The following DYNC1LI1 variants were observed in gnomAD, a reference collection of about 807,000 sequenced individuals.
The protein encoded by DYNC1LI1 is dynein cytoplasmic 1 light intermediate chain 1.
In DYNC1LI1, 19 loss-of-function variants were observed where a neutral mutation model predicts 63.8. The observed-to-expected ratio is 0.30, with a 90% CI of 0.21 to 0.44. The LOEUF (loss-of-function observed/expected upper bound fraction) is 0.44. Ranked by LOEUF, DYNC1LI1 falls within the 20% of genes least tolerant of loss-of-function variation. The probability of loss-of-function intolerance (pLI) is 1.00; values close to 1 mark genes in which losing one functional copy is unlikely to be tolerated. For synonymous variants in DYNC1LI1, 225 were observed against 232.3 expected (o/e 0.97, Z 0.28); for missense variants, 565 against 630.2 (o/e 0.90, Z 1.11).
chr3:32,525,992 GAATA>G lies in DYNC1LI1; in HGVS notation c.*803_*806del, dbSNP rs1206011159. On this transcript the variant is annotated 3_prime_UTR_variant, in exon 13 of 13. Coordinates refer to ENST00000273130, the MANE Select transcript of DYNC1LI1 (RefSeq NM_016141.4). Reference sequence around the variant, plus strand: ...CAAGTTATTTGAACCTGAATGCAGAGAATAAATACTTTATTAACTGATTACAGTT... The same window carrying G: ...CAAGTTATTTGAACCTGAATGCAGAGAATACTTTATTAACTGATTACAGTT... 2.6e-5 allele frequency: 4 copies of G among 151,944 alleles called. No homozygotes were observed. Among genetic ancestry groups the G allele is most frequent in the Admixed American group, 6.6e-5 (1 of 15,190 alleles). The allele number at this position is 151,944 out of a possible 1,614,324, so 9.4% of individuals were successfully genotyped here. A position where few individuals can be genotyped will look rare whatever the true frequency, so the allele number is the denominator to read the frequency against.
chr3:32,567,341 T>C (rs1445646061), intron 2 of DYNC1LI1, among the ~76,000 whole-genome samples: 1 of 152,064 alleles, frequency 6.6e-6, no homozygotes, highest in South Asian at 2.1e-4. Context: ...CTCTTACACA[T>C]ACACACGTTA....
chr3:32,544,565 C>T (rs1697926643), intron 4 of DYNC1LI1, among the ~76,000 whole-genome samples: 1 of 152,004 alleles, frequency 6.6e-6, no homozygotes, highest in Non-Finnish European at 1.5e-5. Context: ...GTCAGGAGTG[C>T]GAGACCAGCC....
At chr3:32,569,861 G>A (rs965761607) in intron 2 of DYNC1LI1, among the ~76,000 whole-genome samples, 17 of 152,216 alleles carry the variant, frequency 1.1e-4, no homozygotes, top group African/African-American at 3.9e-4. Flanking sequence ...CGAGCACATT[G>A]TACCAGAGAA....
At chr3:32,530,546 C>A (rs763055683) in intron 8 of DYNC1LI1, 26 bp from the exon 9 acceptor site, 1 of 1,573,740 alleles carries the variant, frequency 6.4e-7, no homozygotes, top group South Asian at 1.1e-5. Flanking sequence ...CACAAATGAG[C>A]AAATTTAATA....
rs373806525 is a variant in DYNC1LI1 at position 32,532,434 on chromosome 3, C to A, written c.1080+552G>T. On this transcript the variant is annotated intron_variant, in intron 8 of 12. Coordinates refer to ENST00000273130, the MANE Select transcript of DYNC1LI1 (RefSeq NM_016141.4). ...TGAGCTGAGATCATGCCATTTTACTCCAGGCTGGGTAACACAGTGAGACTC... is the reference window on the plus strand; with the variant it reads ...TGAGCTGAGATCATGCCATTTTACTACAGGCTGGGTAACACAGTGAGACTC... 5.5e-5 allele frequency: 8 copies of A among 146,508 alleles called. No individual in the cohort carries two copies. In the East Asian group the frequency reaches 1.2e-3, roughly 22 times the overall value. The allele number at this position is 146,508 out of a possible 1,614,324, so 9.1% of individuals were successfully genotyped here.
At chr3:32,530,198 T>C (rs899004127) in intron 10 of DYNC1LI1, 86 bp downstream of exon 10, 1 of 1,100,696 alleles carries the variant, frequency 9.1e-7, no homozygotes, top group Non-Finnish European at 1.3e-6. Flanking sequence ...AGCACACCCA[T>C]ATGAAATATG....
At position 32,538,037 on chromosome 3, in the gene DYNC1LI1, A is replaced by ATATATAATT. The variant is rs1697819508; in HGVS notation, c.739-934_739-933insAATTATATA. 2.3e-4 allele frequency among the ~76,000 whole-genome samples: 2 copies of ATATATAATT among 8,768 alleles called. 1 individual carries two copies. Among genetic ancestry groups the ATATATAATT allele is most frequent in the African/African-American group, 2.8e-3 (2 of 706 alleles). 5.8% of individuals were successfully genotyped at this position (8,768 alleles called of 152,430 possible). On this transcript the variant is annotated intron_variant, in intron 5 of 12. Transcript: ENST00000273130. Reference sequence around the variant, plus strand: ...TATATATATAATTTATATATATAATATATATATATAATTATATATATATAA... The same window carrying ATATATAATT: ...TATATATATAATTTATATATATAATATATATAATTTATATATATAATTATATATATATAA...
chr3:32,552,275 T>TATTC (rs973949871), intron 2 of DYNC1LI1, among the ~76,000 whole-genome samples: 11 of 152,178 alleles, frequency 7.2e-5, no homozygotes, highest in East Asian at 5.8e-4. Flanking sequence ...AAGTATTTAC[T>TATTC]ATTCATTCAT....
chr3:32,541,129 G>T lies in DYNC1LI1; in HGVS notation c.646C>A (p.Gln216Lys). The change falls in exon 5 of 13, where the codon CAA becomes AAA. Residue 216 changes from glutamine (Q) to lysine (K), a missense_variant. Physicochemically the swap from Gln to Lys is moderately conservative, Grantham distance 53. Transcript: ENST00000273130. ...ACTACACTGTCATCTTTGTCTTCTT[G>T]TGACGCAGTATTTCTTCTCTGGGGA... The part of the protein sequence containing the change: ...ASPQRRNTAS[Q>K]EDKDDSVVLP... 6.2e-7 allele frequency: 1 copy of T among 1,613,588 alleles called. No individual in the cohort carries two copies. The highest frequency in any genetic ancestry group is 8.5e-7 in the Non-Finnish European group (1 of 1,179,662).
rs546908255 is a variant in DYNC1LI1 at position 32,534,500 on chromosome 3, A to G, written c.968+11T>C. On this transcript the variant is annotated intron_variant, in intron 7 of 12. Coordinates refer to ENST00000273130, the MANE Select transcript of DYNC1LI1 (RefSeq NM_016141.4). Reference sequence around the variant, plus strand: ...TACATGATAAAATTATATATTTAAGAGTACACTTACATAAATACTGCATCC... The same window carrying G: ...TACATGATAAAATTATATATTTAAGGGTACACTTACATAAATACTGCATCC... 6.5e-6 allele frequency: 10 copies of G among 1,540,976 alleles called. No individual in the cohort carries two copies. The highest frequency in any genetic ancestry group is 3.7e-4 in the Middle Eastern group (2 of 5,452).
intron 2 of DYNC1LI1, among the ~76,000 whole-genome samples, chr3:32,547,122 A>G (rs1697966210): frequency 6.6e-6 from 1 of 152,106 alleles, no homozygotes; most frequent in Non-Finnish European, 1.5e-5. Flanking sequence ...GCGCATCTGT[A>G]ATCCCAGCTA....
chr3:32,553,076 T>A (rs1005001881), intron 2 of DYNC1LI1, among the ~76,000 whole-genome samples: 1 of 152,166 alleles, frequency 6.6e-6, no homozygotes, highest in East Asian at 1.9e-4. Context: ...CAGCAGGGCA[T>A]GGACCTCAGC....
intron 7 of DYNC1LI1, 100 bp downstream of exon 7, chr3:32,534,411 T>C (rs988171434): frequency 1.3e-5 from 11 of 825,762 alleles, no homozygotes; most frequent in Non-Finnish European, 1.9e-5. Flanking sequence ...TTTCTCATCA[T>C]GGAAGGTCTA....
chr3:32,559,104 T>A (rs1243990871), intron 2 of DYNC1LI1, among the ~76,000 whole-genome samples: 2 of 151,726 alleles, frequency 1.3e-5, no homozygotes, highest in African/African-American at 4.8e-5. Context: ...CCCAGGCTAG[T>A]CTTGAACTTC....
Sources: allele counts gnomAD v4.1 joint callset (sites outside exome capture counted in the v4.1 genomes callset), GRCh38; gene constraint gnomAD v4.1.1; transcripts MANE v1.5; gene names NCBI Gene and HGNC (gene_info 2026-07-23, HGNC 2026-07-21).